EBF1: variants seen among roughly 807,000 people sequenced by gnomAD.
EBF1 encodes the protein EBF transcription factor 1.
A neutral mutation model predicts 68.4 loss-of-function variants in EBF1; 10 were observed. The observed-to-expected ratio is 0.15, with a 90% CI of 0.09 to 0.25. EBF1 has a LOEUF of 0.25. EBF1 is among the 10% of genes least tolerant of loss of function. The probability of loss-of-function intolerance (pLI) is 1.00; values close to 1 mark genes in which losing one functional copy is unlikely to be tolerated. For synonymous variants in EBF1, 298 were observed against 299.8 expected (o/e 0.99, Z 0.06); for missense variants, 509 against 794.4 (o/e 0.64, Z 4.32).
chr5:158,726,659 C>T (rs931437081), intron 11 of EBF1, among the ~76,000 whole-genome samples: 4 of 152,088 alleles, frequency 2.6e-5, no homozygotes, highest in African/African-American at 7.2e-5. Flanking sequence ...TGAGAAGGTC[C>T]CCAGGCCAAG....
At chr5:158,711,259 A>AT (rs972728139) in intron 14 of EBF1, among the ~76,000 whole-genome samples, 12 of 151,572 alleles carry the variant, frequency 7.9e-5, no homozygotes, top group East Asian at 1.9e-4. Context: ...GGAATGTCTT[A>AT]TTTTTTTTTA....
In EBF1 at chr5:158,949,059, G is replaced by A. The variant is rs562882110; in HGVS notation, c.555-108949C>T. Among the ~76,000 whole-genome samples the A allele has an allele frequency of 2.6e-5, 4 of 152,248 alleles. No individual in the cohort carries two copies. The South Asian group carries it at 8.3e-4, about 32-fold the overall frequency. On this transcript the variant is annotated intron_variant, in intron 6 of 15. Transcript: ENST00000313708. ...TCTGGAAATGCCAATGGATTTCAAG[G>A]CCCTTCCTTTTTTATACTAGACATT...
chr5:159,005,919 T>TA (rs1763459554), intron 6 of EBF1, among the ~76,000 whole-genome samples: 1 of 152,134 alleles, frequency 6.6e-6, no homozygotes, highest in African/African-American at 2.4e-5. Flanking sequence ...CCCAACACCA[T>TA]AAAAAATCAG....
At chr5:158,764,840 A>C (rs974904285) in intron 10 of EBF1, among the ~76,000 whole-genome samples, 1 of 152,192 alleles carries the variant, frequency 6.6e-6, no homozygotes, top group Non-Finnish European at 1.5e-5. Context: ...GAGGATACAG[A>C]TCTGATATCA....
intron 8 of EBF1, among the ~76,000 whole-genome samples, chr5:158,812,883 G>A (rs1464811660): frequency 6.6e-6 from 1 of 152,132 alleles, no homozygotes; most frequent in Non-Finnish European, 1.5e-5. Context: ...AAAAACAGCA[G>A]CTTGGGAGTT....
At chr5:158,923,244 G>T (rs1188329338) in intron 6 of EBF1, among the ~76,000 whole-genome samples, 2 of 152,128 alleles carry the variant, frequency 1.3e-5, no homozygotes, top group African/African-American at 4.8e-5. Flanking sequence ...TTTTTTTAAA[G>T]ATTTTAACAG....
At position 158,922,313 on chromosome 5, in the gene EBF1, T is replaced by C. The variant is rs1172064812; in HGVS notation, c.555-82203A>G. On this transcript the variant is annotated intron_variant, in intron 6 of 15. Transcript: ENST00000313708. ...TCTCAGTGATTTGATTTGGTTGCTA[T>C]TGTGCACTTCTAAGGAAGCTGGTGG... Among the ~76,000 whole-genome samples the C allele has an allele frequency of 2.0e-5, 3 of 152,232 alleles. No homozygotes were observed. In the East Asian group the frequency reaches 5.8e-4, roughly 29 times the overall value.
chr5:158,801,640 G>A (rs1467705710), intron 8 of EBF1, among the ~76,000 whole-genome samples: 1 of 150,626 alleles, frequency 6.6e-6, no homozygotes, highest in Admixed American at 6.6e-5. Context: ...CAATGGTCAT[G>A]GTGAGAAGGA....
At chr5:158,825,721 T>A (rs1785953104) in intron 7 of EBF1, among the ~76,000 whole-genome samples, 1 of 152,104 alleles carries the variant, frequency 6.6e-6, no homozygotes, top group African/African-American at 2.4e-5. Flanking sequence ...TTGGCTGAAA[T>A]GCCAATCAAA....
intron 6 of EBF1, among the ~76,000 whole-genome samples, chr5:158,995,400 G>T (rs986992149): frequency 6.6e-6 from 1 of 152,288 alleles, no homozygotes; most frequent in South Asian, 2.1e-4. Flanking sequence ...CTAGGGGGAC[G>T]CTCATATGCT....
At chr5:158,813,910 G>A (rs925811897) in intron 8 of EBF1, among the ~76,000 whole-genome samples, 1 of 152,172 alleles carries the variant, frequency 6.6e-6, no homozygotes, top group African/African-American at 2.4e-5. Flanking sequence ...AACATCATTT[G>A]AAGCCTCTGA....
intron 6 of EBF1, among the ~76,000 whole-genome samples, chr5:158,970,386 A>G (rs1755398143): frequency 6.6e-6 from 1 of 152,234 alleles, no homozygotes; most frequent in Admixed American, 6.5e-5. Context: ...GACAAAAGTC[A>G]CCTGGGGAAA....
At chr5:159,080,671 A>G (rs1361279609) in intron 5 of EBF1, among the ~76,000 whole-genome samples, 1 of 152,246 alleles carries the variant, frequency 6.6e-6, no homozygotes, top group Non-Finnish European at 1.5e-5. Context: ...AACAGTAGAT[A>G]TTCAGTACTT....
intron 1 of EBF1, among the ~76,000 whole-genome samples, chr5:159,098,019 C>A (rs1562013959): frequency 1.3e-5 from 2 of 152,252 alleles, no homozygotes; most frequent in African/African-American, 2.4e-5. Flanking sequence ...CTCTCACTAC[C>A]ACCCACCCCC....
At chr5:158,895,830 A>G (rs1014552038) in intron 6 of EBF1, among the ~76,000 whole-genome samples, 16 of 152,204 alleles carry the variant, frequency 1.1e-4, no homozygotes, top group African/African-American at 3.1e-4. Context: ...ATGCAACTCA[A>G]CTTCCAAGTT....
chr5:158,903,970 AG>A (rs1388712218), intron 6 of EBF1, among the ~76,000 whole-genome samples: 2 of 152,034 alleles, frequency 1.3e-5, no homozygotes, highest in Non-Finnish European at 2.9e-5. Context: ...CCGGTAATCT[AG>A]GGGGTGGAGG....
At chr5:158,699,777 C>T (rs1756337872) in intron 15 of EBF1, among the ~76,000 whole-genome samples, 1 of 152,186 alleles carries the variant, frequency 6.6e-6, no homozygotes, top group Non-Finnish European at 1.5e-5. Flanking sequence ...TCTTCCATAT[C>T]ACGGCTTCAC....
intron 14 of EBF1, among the ~76,000 whole-genome samples, chr5:158,709,964 G>A (rs1247088492): frequency 2.0e-5 from 3 of 152,130 alleles, no homozygotes; most frequent in African/African-American, 7.2e-5. Flanking sequence ...GTTAACAGAG[G>A]TAGAGGTAAA....
chr5:159,081,116 G>A (rs886975556), intron 5 of EBF1, among the ~76,000 whole-genome samples: 8 of 152,010 alleles, frequency 5.3e-5, no homozygotes, highest in South Asian at 4.2e-4. Context: ...GAGTAGCTGG[G>A]AATACAGGCA....
Sources: gnomAD v4.1 joint callset for allele counts (sites outside exome capture counted in the v4.1 genomes callset) on GRCh38, gnomAD v4.1.1 for gene constraint, MANE v1.5 for transcripts, NCBI Gene and HGNC (gene_info 2026-07-23, HGNC 2026-07-21) for gene names.